SYCP2L: variants seen among roughly 807,000 people sequenced by gnomAD.
The protein encoded by SYCP2L is synaptonemal complex protein 2 like.
SYCP2L carries 98 observed loss-of-function variants against 125.8 expected under a neutral mutation model. The ratio of observed to expected loss-of-function variants is 0.78; its 90% CI spans 0.66 to 0.92. The LOEUF (loss-of-function observed/expected upper bound fraction) is 0.92, where lower values mean the gene tolerates loss of function less well. SYCP2L is among the 40% of genes least tolerant of loss of function. The probability of loss-of-function intolerance (pLI) is 0.00; values close to 1 mark genes in which losing one functional copy is unlikely to be tolerated. For missense variants in SYCP2L, 842 were observed against 936.4 expected (o/e 0.90, Z 1.32); for synonymous variants, 317 against 325.4 (o/e 0.97, Z 0.28).
At chr6:10,969,064 T>G (rs1278913984) in intron 29 of SYCP2L, among the ~76,000 whole-genome samples, 1 of 152,224 alleles carries the variant, frequency 6.6e-6, no homozygotes, top group African/African-American at 2.4e-5. Flanking sequence ...TATTATTTTG[T>G]TCATTCTCAC....
chr6:10,916,411 A>G (rs1026614825), intron 14 of SYCP2L, among the ~76,000 whole-genome samples: 9 of 151,932 alleles, frequency 5.9e-5, no homozygotes, highest in Admixed American at 5.2e-4. Flanking sequence ...GTGACCTTAG[A>G]TTGTCTGTTT....
intron 23 of SYCP2L, among the ~76,000 whole-genome samples, chr6:10,944,167 A>G (rs1400935253): frequency 6.6e-6 from 1 of 152,226 alleles, no homozygotes; most frequent in Non-Finnish European, 1.5e-5. Flanking sequence ...CACCAGCCGT[A>G]TATGAGAGTC....
At chr6:10,913,791 C>G (rs560197057) in intron 14 of SYCP2L, among the ~76,000 whole-genome samples, 31 of 151,788 alleles carry the variant, frequency 2.0e-4, no homozygotes, top group African/African-American at 7.5e-4. Context: ...AAATCCTTGC[C>G]TAAGCCAATG....
intron 9 of SYCP2L, among the ~76,000 whole-genome samples, 177 bp downstream of exon 9, chr6:10,906,231 G>A (rs926828982): frequency 1.3e-5 from 2 of 151,596 alleles, no homozygotes; most frequent in East Asian, 1.9e-4. Flanking sequence ...AGAATAATTC[G>A]TGAGTACTCA....
At chr6:10,942,407 A>G in intron 21 of SYCP2L, 52 bp from the exon 22 acceptor site, 1 of 1,151,386 alleles carries the variant, frequency 8.7e-7, no homozygotes, top group Non-Finnish European at 1.2e-6. Flanking sequence ...GTGAATTCTT[A>G]TTGCTTTGTT....
rs776175910 is a variant in SYCP2L, at chr6:10,958,822, A to G, written c.2202A>G (p.Ala734=). The G allele has an allele frequency of 1.4e-5, 22 of 1,613,612 alleles. No homozygotes were observed. Among genetic ancestry groups the G allele is most frequent in the Middle Eastern group, 1.6e-4 (1 of 6,082 alleles). Residue 734 remains alanine, a synonymous_variant, in exon 26 of 30, where the codon GCA becomes GCG. Transcript: ENST00000283141. ...YRKRPFNSEN[A]KKAPDCLIKL... ...AGCGTCCGTTTAATTCAGAAAATGC[A>G]AAGAAAGCACCGGATTGCCTAATAA...
chr6:10,934,602 C>T (rs999855858), intron 20 of SYCP2L, among the ~76,000 whole-genome samples: 1 of 152,224 alleles, frequency 6.6e-6, no homozygotes, highest in South Asian at 2.1e-4. Context: ...ATTGCTTGAA[C>T]TCAGTAGGTG....
chr6:10,899,285 C>T (rs769223691), intron 6 of SYCP2L, among the ~76,000 whole-genome samples: 1 of 152,118 alleles, frequency 6.6e-6, no homozygotes, highest in South Asian at 2.1e-4. Flanking sequence ...TGGTGGCTCA[C>T]GCCTGTATTC....
At chr6:10,923,671 CTTTT>C (rs1780841804) in intron 14 of SYCP2L, among the ~76,000 whole-genome samples, 1 of 34,430 alleles carries the variant, frequency 2.9e-5, no homozygotes, top group African/African-American at 8.4e-5. Context: ...AGACTTCTTT[CTTTT>C]TCTTTTTCTT....
At position 10,926,356 on chromosome 6, in the gene SYCP2L, G is replaced by A. The variant is rs147164289; in HGVS notation, c.1236G>A (p.Thr412=). 7 of 1,613,410 alleles carry A rather than the reference G, an allele frequency of 4.3e-6. No homozygotes were observed. Among genetic ancestry groups the A allele is most frequent in the Non-Finnish European group, 3.4e-6 (4 of 1,179,690 alleles). The part of the protein sequence containing the change: ...GEDKQMLPDQ[T]KISSELFSKS... ...CATTTCAGATGTTGCCTGACCAGAC[G>A]AAAATCTCCTCAGAACTTTTTAGTA... Residue 412 remains threonine, a synonymous_variant, in exon 16 of 30, where the codon ACG becomes ACA. Transcript: ENST00000283141.
intron 14 of SYCP2L, among the ~76,000 whole-genome samples, chr6:10,914,406 G>A (rs1361540250): frequency 1.3e-5 from 2 of 152,112 alleles, no homozygotes; most frequent in African/African-American, 4.8e-5. Flanking sequence ...CATGACTATG[G>A]CCTTGTAGTA....
chr6:10,950,405 CAG>C (rs1781389565), intron 23 of SYCP2L, among the ~76,000 whole-genome samples: 1 of 152,124 alleles, frequency 6.6e-6, no homozygotes, highest in Non-Finnish European at 1.5e-5. Flanking sequence ...TTACTTTACT[CAG>C]TGTTTTATTA....
At chr6:10,950,212 AACACAGTCTG>A (rs70991078) in intron 23 of SYCP2L, among the ~76,000 whole-genome samples, 52,297 of 151,826 alleles carry the variant, frequency 0.34, 10,072 homozygotes, top group Non-Finnish European at 0.45. Context: ...TGGTCAGAGA[AACACAGTCTG>A]TACAATATTG....
intron 14 of SYCP2L, among the ~76,000 whole-genome samples, chr6:10,918,976 T>G (rs1214771543): frequency 6.6e-6 from 1 of 152,218 alleles, no homozygotes; most frequent in African/African-American, 2.4e-5. Flanking sequence ...CTCCTTTCAC[T>G]TCTTGTATGA....
intron 8 of SYCP2L, 132 bp from the exon 9 acceptor site, chr6:10,905,888 A>G: frequency 1.7e-6 from 1 of 604,710 alleles, no homozygotes. Context: ...GTTGGCATTA[A>G]GGAAATTTTG....
At chr6:10,911,327 C>G (rs796648352) in intron 12 of SYCP2L, among the ~76,000 whole-genome samples, 5 of 152,110 alleles carry the variant, frequency 3.3e-5, no homozygotes, top group African/African-American at 9.6e-5. Context: ...CAGTTTCTTC[C>G]CCACCCCCCA....
chr6:10,914,138 G>C (rs1780650998), intron 14 of SYCP2L, among the ~76,000 whole-genome samples: 1 of 152,078 alleles, frequency 6.6e-6, no homozygotes, highest in South Asian at 2.1e-4. Context: ...CATTCTTCTA[G>C]AATTTTTATA....
At chr6:10,964,568 T>TTAAAAATTTAAAATTTA (rs1468986511) in intron 29 of SYCP2L, among the ~76,000 whole-genome samples, 3 of 152,226 alleles carry the variant, frequency 2.0e-5, no homozygotes, top group Admixed American at 6.5e-5. Context: ...TTGGATTAAA[T>TTAAAAATTTAAAATTTA]TAAAAATTTA....
rs1480567906 is a variant in SYCP2L at position 10,974,114 on chromosome 6, G to A, written c.*200G>A. 2 of 152,132 alleles carry A rather than the reference G, an allele frequency of 1.3e-5. No individual in the cohort carries two copies. Among genetic ancestry groups the A allele is most frequent in the African/African-American group, 2.4e-5 (1 of 41,420 alleles). 9.4% of individuals were successfully genotyped at this position (152,132 alleles called of 1,614,324 possible). A position where few individuals can be genotyped will look rare whatever the true frequency, so the allele number is the denominator to read the frequency against. ...ATATATGTTGGTAGTTTGCAGTTGG[G>A]TTATTATCCATTTGTTCATAAAAAT... On this transcript the variant is annotated 3_prime_UTR_variant, in exon 30 of 30. Coordinates refer to ENST00000283141, the MANE Select transcript of SYCP2L (RefSeq NM_001040274.3).
Sources: gnomAD v4.1 joint callset for allele counts (sites outside exome capture counted in the v4.1 genomes callset) on GRCh38, gnomAD v4.1.1 for gene constraint, MANE v1.5 for transcripts, NCBI Gene and HGNC (gene_info 2026-07-23, HGNC 2026-07-21) for gene names.